The following VANGL1 variants were observed in gnomAD, a reference collection of about 807,000 sequenced individuals.
VANGL1 encodes VANGL planar cell polarity protein 1.
VANGL1 carries 18 observed loss-of-function variants against 48.4 expected under a neutral mutation model. The observed-to-expected ratio is 0.37, with a 90% CI of 0.26 to 0.55. The LOEUF is 0.55. Ranked by LOEUF, VANGL1 falls within the 20% of genes least tolerant of loss-of-function variation. VANGL1 has a pLI of 0.81. For synonymous variants in VANGL1, 257 were observed against 261.8 expected (o/e 0.98, Z 0.18); for missense variants, 667 against 675.8 (o/e 0.99, Z 0.14).
chr1:115,676,643 G>A (rs1278917408), intron 4 of VANGL1, among the ~76,000 whole-genome samples: 1 of 152,160 alleles, frequency 6.6e-6, no homozygotes, highest in Non-Finnish European at 1.5e-5. Context: ...TATTTTTCCT[G>A]GTATAAATGC....
rs1282469201 is a variant in VANGL1, at chr1:115,693,157, T to A, written c.*1778T>A. On this transcript the variant is annotated 3_prime_UTR_variant, in exon 8 of 8. Transcript: ENST00000355485. ...AGCCAAGATGTACTATTCAACTATGTGTTTCTGTTTATAAAAAACACATAC... is the reference window on the plus strand; with the variant it reads ...AGCCAAGATGTACTATTCAACTATGAGTTTCTGTTTATAAAAAACACATAC... 1.3e-5 allele frequency: 2 copies of A among 152,624 alleles called. No homozygotes were observed. Among genetic ancestry groups the A allele is most frequent in the Non-Finnish European group, 2.9e-5 (2 of 68,026 alleles). 9.5% of individuals were successfully genotyped at this position (152,624 alleles called of 1,614,324 possible).
At chr1:115,661,141 A>G (rs992836997) in intron 3 of VANGL1, among the ~76,000 whole-genome samples, 5 of 152,192 alleles carry the variant, frequency 3.3e-5, no homozygotes, top group Non-Finnish European at 4.4e-5. Flanking sequence ...ATTTTTTAGT[A>G]GCTCTGTTAC....
At chr1:115,651,132 C>T (rs1652126369) in intron 1 of VANGL1, 145 bp from the exon 2 acceptor site, 1 of 436,432 alleles carries the variant, frequency 2.3e-6, no homozygotes, top group East Asian at 4.8e-5. Context: ...ATGGGTGGAG[C>T]ATTTACAGTT....
chr1:115,677,549 T>C (rs1357105360), intron 4 of VANGL1, among the ~76,000 whole-genome samples: 1 of 152,228 alleles, frequency 6.6e-6, no homozygotes, highest in African/African-American at 2.4e-5. Context: ...GAGGTTTTTA[T>C]GCATAGGTCT....
chr1:115,651,512 T>G (rs1439169902), intron 2 of VANGL1, 28 bp downstream of exon 2: 1 of 1,606,598 alleles, frequency 6.2e-7, no homozygotes. Context: ...TATTACACTT[T>G]TCCTTTTGGG....
At chr1:115,662,786 A>ATTT (rs747147852) in intron 3 of VANGL1, among the ~76,000 whole-genome samples, 7 of 137,586 alleles carry the variant, frequency 5.1e-5, no homozygotes, top group Non-Finnish European at 6.3e-5. Flanking sequence ...TCATAAGGAG[A>ATTT]TTTTTTTTTT....
chr1:115,690,587 GTCA>G (rs1305102225), intron 7 of VANGL1, among the ~76,000 whole-genome samples: 9 of 152,266 alleles, frequency 5.9e-5, no homozygotes, highest in Non-Finnish European at 1.0e-4. Flanking sequence ...CTTAGGTAGT[GTCA>G]TTGCGTCCAC....
intron 4 of VANGL1, among the ~76,000 whole-genome samples, chr1:115,668,197 T>C (rs1315393902): frequency 6.6e-6 from 1 of 152,242 alleles, no homozygotes; most frequent in African/African-American, 2.4e-5. Context: ...CATTTCACCA[T>C]ACTACCTCTG....
At chr1:115,673,741 A>G (rs1653066865) in intron 4 of VANGL1, among the ~76,000 whole-genome samples, 1 of 151,752 alleles carries the variant, frequency 6.6e-6, no homozygotes, top group African/African-American at 2.4e-5. Flanking sequence ...CTGGGATTAC[A>G]GATGCATGCC....
chr1:115,649,600 C>T (rs745599616), intron 1 of VANGL1, among the ~76,000 whole-genome samples: 3 of 152,348 alleles, frequency 2.0e-5, no homozygotes, highest in East Asian at 3.9e-4. Context: ...CTGGAGCTCG[C>T]GCTGGGTGCC....
intron 4 of VANGL1, among the ~76,000 whole-genome samples, chr1:115,670,145 C>T (rs1357268172): frequency 6.6e-6 from 1 of 152,114 alleles, no homozygotes; most frequent in Non-Finnish European, 1.5e-5. Context: ...GTGTGAGGCC[C>T]CAGAAAGAAG....
chr1:115,642,277 CG>C (rs1008586715), intron 1 of VANGL1, among the ~76,000 whole-genome samples, 191 bp downstream of exon 1: 15 of 151,998 alleles, frequency 9.9e-5, no homozygotes, highest in South Asian at 4.1e-4. Context: ...CGGAGCGCTC[CG>C]GGTAGTGCTT....
rs375827825 is a variant in VANGL1 at position 115,685,543 on chromosome 1, C to T, written c.1314+16C>T. 291 of 1,612,450 alleles carry T rather than the reference C, an allele frequency of 1.8e-4. No individual in the cohort carries two copies. Among genetic ancestry groups the T allele is most frequent in the Non-Finnish European group, 2.1e-4 (252 of 1,179,102 alleles). On this transcript the variant is annotated intron_variant, in intron 7 of 7. Coordinates refer to ENST00000355485, the MANE Select transcript of VANGL1 (RefSeq NM_138959.3). ...GACCCCCAAGGTGCGCTGCTCCGGG[C>T]GGGCTCTGCCACCGTCATCCTGGCT...
At chr1:115,684,300 G>A (rs1043268341) in intron 6 of VANGL1, among the ~76,000 whole-genome samples, 10 of 151,726 alleles carry the variant, frequency 6.6e-5, no homozygotes, top group East Asian at 3.9e-4. Flanking sequence ...CACCACGCCC[G>A]GCTAATATTT....
intron 1 of VANGL1, among the ~76,000 whole-genome samples, chr1:115,648,421 GA>G (rs1652016363): frequency 6.6e-6 from 1 of 152,162 alleles, no homozygotes; most frequent in Non-Finnish European, 1.5e-5. Context: ...CCATGGGAGG[GA>G]AACCAGACTA....
Position 115,691,338 on chromosome 1 carries a change from C to T in VANGL1, c.1534C>T (p.His512Tyr). Residue 512 changes from histidine (H) to tyrosine (Y), a missense_variant, in exon 8 of 8, where the codon CAC (histidine) becomes TAC (tyrosine). Transcript: ENST00000355485. ...TGAAGAGTTCATAGACCCCAAATCT[C>T]ACAAATTTGTCCTTCGCTTACAGTC... ...LSEEFIDPKSHKFVLRLQSET... is the reference protein window; with the variant it reads ...LSEEFIDPKSYKFVLRLQSET... 6.2e-7 allele frequency: 1 copy of T among 1,614,104 alleles called. No individual in the cohort carries two copies. Among genetic ancestry groups the T allele is most frequent in the Non-Finnish European group, 8.5e-7 (1 of 1,180,038 alleles).
At chr1:115,653,710 GTAAC>G (rs1320936295) in intron 2 of VANGL1, among the ~76,000 whole-genome samples, 1 of 152,200 alleles carries the variant, frequency 6.6e-6, no homozygotes, top group Non-Finnish European at 1.5e-5. Context: ...TTAAGAGACT[GTAAC>G]TTCCAATTAA....
intron 3 of VANGL1, among the ~76,000 whole-genome samples, chr1:115,661,304 A>G (rs1274207321): frequency 6.6e-6 from 1 of 152,148 alleles, no homozygotes; most frequent in Non-Finnish European, 1.5e-5. Flanking sequence ...TGTGCACCCC[A>G]GGAAATTCTC....
chr1:115,651,205 G>A (rs551980874), intron 1 of VANGL1, 72 bp from the exon 2 acceptor site: 35 of 575,490 alleles, frequency 6.1e-5, no homozygotes, highest in South Asian at 5.9e-4. Context: ...GTGTGGCTTT[G>A]TCATTTATCT....
Sources: gnomAD v4.1 joint callset for allele counts (sites outside exome capture counted in the v4.1 genomes callset) on GRCh38, gnomAD v4.1.1 for gene constraint, MANE v1.5 for transcripts, NCBI Gene and HGNC (gene_info 2026-07-23, HGNC 2026-07-21) for gene names.